The following SOX5 variants were observed in gnomAD, a reference collection of about 807,000 sequenced individuals.
The protein encoded by SOX5 is SRY-box transcription factor 5.
SOX5 carries 9 observed loss-of-function variants against 92.0 expected under a neutral mutation model. The observed-to-expected ratio is 0.10, with a 90% CI of 0.06 to 0.17. The LOEUF (loss-of-function observed/expected upper bound fraction) is 0.17, where lower values mean the gene tolerates loss of function less well. Ranked by LOEUF, SOX5 falls within the 10% of genes least tolerant of loss-of-function variation. The pLI, the probability that SOX5 is intolerant of heterozygous loss-of-function variation, is 1.00. For synonymous variants in SOX5, 344 were observed against 336.3 expected, an observed-to-expected ratio of 1.02 and a Z score of -0.25; for missense variants, 642 against 944.5, an observed-to-expected ratio of 0.68 and a Z score of 4.20.
chr12:24,111,673 A>G (rs1333416109), intron 4 of SOX5, among the ~76,000 whole-genome samples: 2 of 151,890 alleles, frequency 1.3e-5, no homozygotes, highest in Non-Finnish European at 2.9e-5. Flanking sequence ...CTAATATTTT[A>G]TTTAAAAAAA....
chr12:24,314,515 TA>T (rs1565887180), intron 2 of SOX5, among the ~76,000 whole-genome samples: 1 of 150,506 alleles, frequency 6.6e-6, no homozygotes, highest in South Asian at 2.1e-4. Flanking sequence ...TAAAGTATAA[TA>T]AAAATAAAAA....
At chr12:23,586,199 C>A (rs1034826656) in intron 9 of SOX5, among the ~76,000 whole-genome samples, 3 of 152,088 alleles carry the variant, frequency 2.0e-5, no homozygotes, top group Admixed American at 1.3e-4. Flanking sequence ...TCGAGTAAGA[C>A]AACAAGGCCA....
intron 1 of SOX5, among the ~76,000 whole-genome samples, chr12:24,413,795 T>C (rs1227993318): frequency 1.3e-5 from 2 of 152,236 alleles, no homozygotes; most frequent in South Asian, 4.1e-4. Context: ...CATGTTGTTT[T>C]TCATCGTGCG....
intron 4 of SOX5, among the ~76,000 whole-genome samples, chr12:23,971,545 A>T (rs1948342683): frequency 6.6e-6 from 1 of 150,434 alleles, no homozygotes; most frequent in African/African-American, 2.4e-5. Context: ...ATATATATAT[A>T]TATTAAATTA....
chr12:24,217,771 T>C (rs1042397281), intron 3 of SOX5, among the ~76,000 whole-genome samples: 1 of 152,172 alleles, frequency 6.6e-6, no homozygotes, highest in Non-Finnish European at 1.5e-5. Context: ...ACATCCACAA[T>C]GTATAAAGAA....
chr12:24,488,283 A>C (rs187866491), intron 1 of SOX5, among the ~76,000 whole-genome samples: 20 of 152,258 alleles, frequency 1.3e-4, no homozygotes, highest in Admixed American at 9.8e-4. Context: ...ATGTCTGATC[A>C]ACATGTTGCA....
intron 1 of SOX5, among the ~76,000 whole-genome samples, chr12:24,406,621 TAGATCTTC>T (rs1963009647): frequency 6.6e-6 from 1 of 152,098 alleles, no homozygotes. Flanking sequence ...TGGGGGAGGG[TAGATCTTC>T]TGATATTAAA....
intron 8 of SOX5, among the ~76,000 whole-genome samples, chr12:23,624,475 G>A (rs1408704559): frequency 6.6e-6 from 1 of 152,160 alleles, no homozygotes; most frequent in East Asian, 1.9e-4. Context: ...AATAAGGTGA[G>A]GAGTAATATA....
intron 3 of SOX5, among the ~76,000 whole-genome samples, chr12:24,272,316 G>A (rs1943865562): frequency 6.6e-6 from 1 of 152,064 alleles, no homozygotes; most frequent in African/African-American, 2.4e-5. Context: ...CATATCGTGT[G>A]CCAATAACGA....
chr12:24,335,972 C>CTCATATATATATATATATATATAT (rs769537310), intron 2 of SOX5, among the ~76,000 whole-genome samples: 2 of 58,612 alleles, frequency 3.4e-5, no homozygotes, highest in African/African-American at 1.3e-4. Flanking sequence ...GAAATGCTAT[C>CTCATATATATATATATATATATAT]ATATATATAT....
intron 4 of SOX5, among the ~76,000 whole-genome samples, chr12:24,122,194 G>T (rs557311205): frequency 1.3e-5 from 2 of 152,286 alleles, no homozygotes; most frequent in South Asian, 4.1e-4. Context: ...ATGATGTTAC[G>T]ATCCCGAAGC....
At chr12:24,262,855 C>T (rs1942363658) in intron 3 of SOX5, among the ~76,000 whole-genome samples, 1 of 152,208 alleles carries the variant, frequency 6.6e-6, no homozygotes, top group Admixed American at 6.5e-5. Context: ...AGGTAGTAGG[C>T]ATATCTGAAA....
chr12:24,073,377 C>T (rs1025284286), intron 4 of SOX5, among the ~76,000 whole-genome samples: 6 of 152,160 alleles, frequency 3.9e-5, no homozygotes, highest in South Asian at 2.1e-4. Flanking sequence ...TTTAAGTTTA[C>T]GACCCCATGG....
At chr12:24,134,330 T>C (rs1471277943) in intron 4 of SOX5, among the ~76,000 whole-genome samples, 1 of 152,160 alleles carries the variant, frequency 6.6e-6, no homozygotes, top group African/African-American at 2.4e-5. Flanking sequence ...CAGAGAACAC[T>C]GTGTGTGAGG....
At chr12:23,965,031 G>T (rs1947381845) in intron 4 of SOX5, among the ~76,000 whole-genome samples, 1 of 152,060 alleles carries the variant, frequency 6.6e-6, no homozygotes, top group African/African-American at 2.4e-5. Flanking sequence ...CCCCCAGGGG[G>T]CGCGTGGTCA....
At chr12:23,849,396 T>C (rs2096607041) in intron 2 of SOX5, among the ~76,000 whole-genome samples, 1 of 152,182 alleles carries the variant, frequency 6.6e-6, no homozygotes, top group South Asian at 2.1e-4. Flanking sequence ...TAACTCAATC[T>C]TCATGGCAAG....
chr12:23,807,770 C>T (rs1178553564), intron 3 of SOX5, among the ~76,000 whole-genome samples: 2 of 151,682 alleles, frequency 1.3e-5, no homozygotes. Context: ...GCCTCAGCAT[C>T]CTGAGTAGCT....
At position 23,531,669 on chromosome 12, in the gene SOX5, C is replaced by T. The variant is rs1428444659; in HGVS notation, c.*2550G>A. The T allele has an allele frequency of 6.6e-6, 1 of 151,780 alleles. No homozygotes were observed. The highest frequency in any genetic ancestry group is 2.4e-5 in the African/African-American group (1 of 41,330). The allele number at this position is 151,780 out of a possible 1,614,324, so 9.4% of individuals were successfully genotyped here. ...AAACAAGTGTCTATTTTTTCCTTATCCAGAGTGCTTAAAAACAAAACAAAC... is the reference window on the plus strand; with the variant it reads ...AAACAAGTGTCTATTTTTTCCTTATTCAGAGTGCTTAAAAACAAAACAAAC... On this transcript the variant is annotated 3_prime_UTR_variant, in exon 15 of 15. Coordinates refer to ENST00000451604, the MANE Select transcript of SOX5 (RefSeq NM_006940.6).
rs1165031060 is a variant in SOX5, at chr12:24,266,048, G to GTGTC, written c.-77+11167_-77+11168insGACA. Reference sequence around the variant, plus strand: ...CATGCCAGCTAATGTGTGTGTGTGTGTGTGTGTGTGTGTGTGTGTGTGTGT... The same window carrying GTGTC: ...CATGCCAGCTAATGTGTGTGTGTGTGTGTCTGTGTGTGTGTGTGTGTGTGTGTGT... On this transcript the variant is annotated intron_variant, in intron 3 of 4. Transcript: ENST00000446891. Among the ~76,000 whole-genome samples the GTGTC allele has an allele frequency of 2.6e-3, 341 of 133,098 alleles. 1 individual carries two copies. The highest frequency in any genetic ancestry group is 0.01 in the African/African-American group (324 of 30,886). 87.3% of individuals were successfully genotyped at this position (133,098 alleles called of 152,430 possible).
Sources: allele counts gnomAD v4.1 joint callset (sites outside exome capture counted in the v4.1 genomes callset), GRCh38; gene constraint gnomAD v4.1.1; transcripts MANE v1.5; gene names NCBI Gene and HGNC (gene_info 2026-07-23, HGNC 2026-07-21).